The following SYN3 variants were observed in gnomAD, a reference collection of about 807,000 sequenced individuals.
SYN3 encodes synapsin III.
A neutral mutation model predicts 65.8 loss-of-function variants in SYN3; 35 were observed. That is an observed-to-expected ratio of 0.53 (90% confidence interval 0.41 to 0.70). SYN3 has a LOEUF of 0.70. Among genes scored for constraint, SYN3 ranks in the 30% least tolerant of loss-of-function variants. The pLI is 0.00. For synonymous variants in SYN3, 270 were observed against 292.9 expected (o/e 0.92, Z 0.80); for missense variants, 680 against 749.0 (o/e 0.91, Z 1.08).
At chr22:32,646,612 T>C (rs1262568356) in intron 6 of SYN3, among the ~76,000 whole-genome samples, 2 of 152,164 alleles carry the variant, frequency 1.3e-5, no homozygotes, top group Non-Finnish European at 2.9e-5. Flanking sequence ...TCCAAGAAGA[T>C]TGCAAATACA....
chr22:32,956,061 T>A lies in SYN3; in HGVS notation c.370-24580A>T, dbSNP rs193070401. ...ATTCACATATATATATATATATATA[T>A]AAAATCTCCTATTAGTTCTGTCCCT... On this transcript the variant is annotated intron_variant, in intron 3 of 13. Transcript: ENST00000358763. Among the ~76,000 whole-genome samples the A allele has an allele frequency of 3.1e-3, 448 of 142,956 alleles. 10 individuals are homozygous for A. The highest frequency in any genetic ancestry group is 0.028 in the Admixed American group (395 of 14,028). The allele number at this position is 142,956 out of a possible 152,430, so 93.8% of individuals were successfully genotyped here.
At chr22:32,574,361 C>T (rs2058823016) in intron 7 of SYN3, among the ~76,000 whole-genome samples, 1 of 152,074 alleles carries the variant, frequency 6.6e-6, no homozygotes, top group Non-Finnish European at 1.5e-5. Context: ...CGCCAGTAGT[C>T]CCAGCTACTT....
Position 32,638,892 on chromosome 22 carries a change from GC to G in SYN3, c.712-42157del, listed in dbSNP as rs2059856331. Reference sequence around the variant, plus strand: ...ACTTACTCATAAACTCTTTCCCAAGGCCTGTGTTTAGAATGGTGTTTCCTAG... The same window carrying G: ...ACTTACTCATAAACTCTTTCCCAAGGCTGTGTTTAGAATGGTGTTTCCTAG... On this transcript the variant is annotated intron_variant, in intron 6 of 13. Coordinates refer to ENST00000358763, the MANE Select transcript of SYN3 (RefSeq NM_003490.4). 1.2e-4 allele frequency among the ~76,000 whole-genome samples: 18 copies of G among 152,220 alleles called. 1 individual carries two copies. In the South Asian group the frequency reaches 3.7e-3, roughly 32 times the overall value.
intron 3 of SYN3, among the ~76,000 whole-genome samples, chr22:32,970,801 G>A (rs1569366796): frequency 6.6e-6 from 1 of 152,188 alleles, no homozygotes; most frequent in South Asian, 2.1e-4. Flanking sequence ...GGGTGAGATA[G>A]GAAGATACTG....
intron 6 of SYN3, among the ~76,000 whole-genome samples, chr22:32,829,633 C>T (rs989123871): frequency 2.6e-4 from 40 of 152,216 alleles, no homozygotes; most frequent in African/African-American, 8.7e-4. Context: ...AGCCTCTTCA[C>T]AGACTGCTGG....
intron 6 of SYN3, among the ~76,000 whole-genome samples, chr22:32,719,553 C>T (rs1032712421): frequency 3.3e-5 from 5 of 152,198 alleles, no homozygotes. Flanking sequence ...CACTCTAACA[C>T]TTACTGAGGC....
At chr22:32,680,256 T>G (rs1291312636) in intron 6 of SYN3, among the ~76,000 whole-genome samples, 1 of 152,236 alleles carries the variant, frequency 6.6e-6, no homozygotes, top group African/African-American at 2.4e-5. Context: ...AAATTCAATT[T>G]TCTCCATGTG....
rs568629586 is a variant in SYN3, at chr22:32,631,263, C to G, written c.712-34527G>C. On this transcript the variant is annotated intron_variant, in intron 6 of 13. Coordinates refer to ENST00000358763, the MANE Select transcript of SYN3 (RefSeq NM_003490.4). Reference sequence around the variant, plus strand: ...TGAGCCAAGATCATGCCACTGCACTCCAGCCTGGGTGACAAGAGCGAAACT... The same window carrying G: ...TGAGCCAAGATCATGCCACTGCACTGCAGCCTGGGTGACAAGAGCGAAACT... 1.5e-3 allele frequency among the ~76,000 whole-genome samples: 232 copies of G among 151,148 alleles called. 2 individuals are homozygous for G. The South Asian group carries it at 0.023, about 15-fold the overall frequency.
intron 7 of SYN3, among the ~76,000 whole-genome samples, chr22:32,563,297 G>T (rs1569041191): frequency 2.0e-5 from 3 of 152,188 alleles, no homozygotes; most frequent in Non-Finnish European, 4.4e-5. Context: ...AGCCTGTAAG[G>T]GCAATGAGAC....
At chr22:32,992,807 C>T (rs1303737035) in intron 2 of SYN3, among the ~76,000 whole-genome samples, 3 of 152,042 alleles carry the variant, frequency 2.0e-5, no homozygotes, top group African/African-American at 7.2e-5. Flanking sequence ...AGCGAGACTC[C>T]ATCTCAAAAT....
At chr22:32,912,848 A>C (rs181459275) in intron 4 of SYN3, among the ~76,000 whole-genome samples, 15 of 152,340 alleles carry the variant, frequency 9.8e-5, no homozygotes, top group African/African-American at 3.4e-4. Context: ...GGGTGGAAGG[A>C]GTGATAAACA....
intron 3 of SYN3, among the ~76,000 whole-genome samples, chr22:32,961,820 T>C (rs1330561752): frequency 1.3e-5 from 2 of 152,238 alleles, no homozygotes; most frequent in African/African-American, 2.4e-5. Context: ...TCCCTTAGTG[T>C]TAACTAAAAC....
At chr22:33,038,781 G>C (rs1219168511) in intron 1 of SYN3, among the ~76,000 whole-genome samples, 11 of 151,936 alleles carry the variant, frequency 7.2e-5, no homozygotes, top group Non-Finnish European at 8.8e-5. Context: ...GAAATCTTAA[G>C]AGTCAGATTA....
rs1391895009 is a variant in SYN3 at position 32,935,281 on chromosome 22, CTCTT to C, written c.370-3804_370-3801del. Among the ~76,000 whole-genome samples, 3 of 138,388 alleles carry C rather than the reference CTCTT, an allele frequency of 2.2e-5. No individual in the cohort carries two copies. In the Admixed American group the frequency reaches 2.2e-4, roughly 10 times the overall value. The allele number at this position is 138,388 out of a possible 152,430, so 90.8% of individuals were successfully genotyped here. On this transcript the variant is annotated intron_variant, in intron 3 of 13. Transcript: ENST00000358763. Reference sequence around the variant, plus strand: ...CTGCACCTAGACTCATTCTCTCTCTCTCTTTCTCTCTCTCTCTCTCTCTCTCTCA... The same window carrying C: ...CTGCACCTAGACTCATTCTCTCTCTCTCTCTCTCTCTCTCTCTCTCTCTCA...
intron 4 of SYN3, among the ~76,000 whole-genome samples, chr22:32,890,632 G>C (rs576283549): frequency 6.6e-6 from 1 of 151,812 alleles, no homozygotes; most frequent in South Asian, 2.1e-4. Context: ...TGCCCGCCTC[G>C]GCCTCCCAAA....
At chr22:33,036,936 C>T (rs755576500) in intron 1 of SYN3, among the ~76,000 whole-genome samples, 34 of 152,046 alleles carry the variant, frequency 2.2e-4, no homozygotes, top group Non-Finnish European at 3.8e-4. Context: ...GGTGATCCGC[C>T]CACCTCGGCC....
intron 4 of SYN3, among the ~76,000 whole-genome samples, chr22:32,913,456 C>T (rs1336316215): frequency 6.6e-6 from 1 of 151,926 alleles, no homozygotes. Flanking sequence ...CCCCGCACAG[C>T]CAAGTCTATT....
Position 32,858,019 on chromosome 22 carries a change from C to T in SYN3, c.711+6896G>A, listed in dbSNP as rs2146289367. 2 of 1,614,156 alleles carry T rather than the reference C, an allele frequency of 1.2e-6. No homozygotes were observed. Among genetic ancestry groups the T allele is most frequent in the Non-Finnish European group, 1.7e-6 (2 of 1,180,030 alleles). On this transcript the variant is annotated intron_variant, in intron 6 of 13. Coordinates refer to ENST00000358763, the MANE Select transcript of SYN3 (RefSeq NM_003490.4). ...TGTTTTCTTCTTTCCTCCTGTAGGTCGCGTCTATGATGGCAAGATGTACAC... is the reference window on the plus strand; with the variant it reads ...TGTTTTCTTCTTTCCTCCTGTAGGTTGCGTCTATGATGGCAAGATGTACAC...
chr22:32,707,940 T>C (rs2060902228), intron 6 of SYN3, among the ~76,000 whole-genome samples: 1 of 152,208 alleles, frequency 6.6e-6, no homozygotes, highest in African/African-American at 2.4e-5. Flanking sequence ...TCAGAGGGAA[T>C]TTTTGGGAAA....
Sources: allele counts gnomAD v4.1 joint callset (sites outside exome capture counted in the v4.1 genomes callset), GRCh38; gene constraint gnomAD v4.1.1; transcripts MANE v1.5; gene names NCBI Gene and HGNC (gene_info 2026-07-23, HGNC 2026-07-21).